RAD54L: variants seen among roughly 807,000 people sequenced by gnomAD.
The protein encoded by RAD54L is RAD54 like.
In RAD54L, 74 loss-of-function variants were observed where a neutral mutation model predicts 91.6. The ratio of observed to expected loss-of-function variants is 0.81; its 90% CI spans 0.67 to 0.98. The LOEUF (loss-of-function observed/expected upper bound fraction) is 0.98. Among genes scored for constraint, RAD54L ranks in the 50% least tolerant of loss-of-function variants. The pLI is 0.00. For synonymous variants in RAD54L, 304 were observed against 349.7 expected (o/e 0.87, Z 1.46); for missense variants, 887 against 945.7 (o/e 0.94, Z 0.81).
Position 46,261,199 on chromosome 1 carries a change from TTTTTG to T in RAD54L, c.767-57_767-53del, listed in dbSNP as rs944848341. The T allele has an allele frequency of 6.3e-6, 10 of 1,596,780 alleles. No individual in the cohort carries two copies. The East Asian group carries it at 1.6e-4, about 25-fold the overall frequency. ...AAATTAAAGAACTGTCTAATTGTTTTTTTTGTTTTTTTTTTTTTCAAAAGATTCTG... is the reference window on the plus strand; with the variant it reads ...AAATTAAAGAACTGTCTAATTGTTTTTTTTTTTTTTTTTCAAAAGATTCTG... On this transcript the variant is annotated intron_variant, in intron 7 of 17. Transcript: ENST00000371975.
intron 12 of RAD54L, 129 bp downstream of exon 12, chr1:46,272,931 A>T (rs757278776): frequency 1.0e-4 from 140 of 1,358,640 alleles, no homozygotes; most frequent in Non-Finnish European, 1.4e-4. Context: ...TGTGATTCCA[A>T]CCCTACCCAA....
intron 9 of RAD54L, among the ~76,000 whole-genome samples, chr1:46,269,220 G>A (rs1193607596): frequency 6.6e-6 from 1 of 151,714 alleles, no homozygotes; most frequent in African/African-American, 2.4e-5. Context: ...CCTCTGGTCC[G>A]TTTGTCTCCT....
At chr1:46,252,285 C>A (rs894964773) in intron 3 of RAD54L, among the ~76,000 whole-genome samples, 2 of 151,950 alleles carry the variant, frequency 1.3e-5, no homozygotes, top group African/African-American at 2.4e-5. Context: ...AGAAGCCATG[C>A]TAGGAGAGTC....
Position 46,248,590 on chromosome 1 carries a change from G to A in RAD54L, c.82G>A (p.Gly28Ser). The A allele has an allele frequency of 1.9e-6, 3 of 1,614,128 alleles. No individual in the cohort carries two copies. Among genetic ancestry groups the A allele is most frequent in the Non-Finnish European group, 2.5e-6 (3 of 1,180,022 alleles). Reference protein sequence around the residue: ...RSCDDEDWQPGLVTPRKRKSS... With the variant: ...RSCDDEDWQPSLVTPRKRKSS... ...CTGTGATGATGAAGACTGGCAACCT[G>A]GCCTAGTGGTGAGCACTCAAGGGGA... Residue 28 changes from glycine to serine, a missense_variant, in exon 2 of 18, where the codon GGC becomes AGC. Physicochemically the swap from Gly to Ser is moderately conservative, Grantham distance 56 (BLOSUM62 0). Transcript: ENST00000371975.
intron 8 of RAD54L, among the ~76,000 whole-genome samples, chr1:46,266,697 G>C (rs771726658): frequency 6.6e-6 from 1 of 152,182 alleles, no homozygotes; most frequent in Non-Finnish European, 1.5e-5. Context: ...TGATGGCCCA[G>C]ACAAGGCCTG....
chr1:46,255,888 C>G (rs181087148), intron 3 of RAD54L, among the ~76,000 whole-genome samples: 1 of 152,232 alleles, frequency 6.6e-6, no homozygotes, highest in East Asian at 1.9e-4. Flanking sequence ...CTGTAGTTCT[C>G]CCTGCAGAAC....
rs1254968642 is a variant in RAD54L at position 46,261,386 on chromosome 1, G to A, written c.891+1G>A. On this transcript the variant is annotated splice_donor_variant, in intron 8 of 17. Transcript: ENST00000371975. LOFTEE classifies it high-confidence loss of function. ...TGTTGGTCTGGTCATATGTGACGAG[G>A]TACTTGACTCTCAGCAGTCTGGGTG... The A allele has an allele frequency of 5.0e-6, 8 of 1,613,920 alleles. No individual in the cohort carries two copies. Among genetic ancestry groups the A allele is most frequent in the Non-Finnish European group, 6.8e-6 (8 of 1,180,004 alleles).
rs1235112078 is a variant in RAD54L at position 46,273,611 on chromosome 1, C to T, written c.1487-13C>T. ...ACAGCCAGTAGGGGACTGCTGGTTG[C>T]TGCTCTTCCCAGGTAAGATGCTGGT... On this transcript the variant is annotated splice_polypyrimidine_tract_variant and intron_variant, in intron 13 of 17. Coordinates refer to ENST00000371975, the MANE Select transcript of RAD54L (RefSeq NM_003579.4). 6.2e-7 allele frequency: 1 copy of T among 1,613,022 alleles called. No homozygotes were observed. The highest frequency in any genetic ancestry group is 8.5e-7 in the Non-Finnish European group (1 of 1,180,018).
Position 46,272,530 on chromosome 1 carries a change from G to A in RAD54L, c.1234G>A (p.Val412Ile), listed in dbSNP as rs528893398. The A allele has an allele frequency of 1.6e-5, 25 of 1,611,884 alleles. No homozygotes were observed. Among genetic ancestry groups the A allele is most frequent in the Middle Eastern group, 1.7e-4 (1 of 6,060 alleles). Reference sequence around the variant, plus strand: ...TCTGCCTGTGAAGATTGAGCAGGTCGTTTGTTGTAGGTACTGAACTCAACT... The same window carrying A: ...TCTGCCTGTGAAGATTGAGCAGGTCATTTGTTGTAGGTACTGAACTCAACT... ...KYLPVKIEQV[V>I]CCRLTPLQTE... Residue 412 changes from valine to isoleucine, a missense_variant, in exon 11 of 18, where the codon GTT (valine) becomes ATT (isoleucine). Physicochemically the swap from Val to Ile is conservative, Grantham distance 29. Coordinates refer to ENST00000371975, the MANE Select transcript of RAD54L (RefSeq NM_003579.4).
intron 3 of RAD54L, among the ~76,000 whole-genome samples, chr1:46,257,450 G>A (rs1187172897): frequency 2.0e-5 from 3 of 152,186 alleles, no homozygotes; most frequent in Admixed American, 2.0e-4. Context: ...GCTCAGGTGT[G>A]TGTGGACCAG....
intron 12 of RAD54L, among the ~76,000 whole-genome samples, chr1:46,273,030 C>T (rs1456994488): frequency 6.6e-6 from 1 of 152,178 alleles, no homozygotes; most frequent in African/African-American, 2.4e-5. Flanking sequence ...TGCTTGATGA[C>T]CTGGGATGTG....
At chr1:46,273,868 C>CT in intron 14 of RAD54L, 121 bp downstream of exon 14, 1 of 1,390,274 alleles carries the variant, frequency 7.2e-7, no homozygotes, top group East Asian at 2.5e-5. Context: ...CTGGAGATAT[C>CT]TTCCCTTATT....
chr1:46,255,952 T>A (rs892712011), intron 3 of RAD54L, among the ~76,000 whole-genome samples: 2 of 152,228 alleles, frequency 1.3e-5, no homozygotes, highest in Non-Finnish European at 2.9e-5. Flanking sequence ...CATAAATTCT[T>A]GGCTACTCAG....
chr1:46,250,179 A>G (rs1659760249), intron 3 of RAD54L, 60 bp downstream of exon 3: 1 of 1,606,314 alleles, frequency 6.2e-7, no homozygotes, highest in East Asian at 2.2e-5. Flanking sequence ...GCCTAGGTAG[A>G]CTCCTGTCCC....
Position 46,273,766 on chromosome 1 carries a change from A to AGGATGCCAAAGG in RAD54L, c.1610+22_1610+33dup. 6.3e-7 allele frequency: 1 copy of AGGATGCCAAAGG among 1,587,308 alleles called. No individual in the cohort carries two copies. The highest frequency in any genetic ancestry group is 2.3e-5 in the East Asian group (1 of 44,174). On this transcript the variant is annotated intron_variant, in intron 14 of 17. Transcript: ENST00000371975. ...CCCGAAGGTAGGGAAGATCCTAACC[A>AGGATGCCAAAGG]GGATGCCAAAGGGGGATATACCCCT...
In RAD54L at chr1:46,270,648, C is replaced by G; in HGVS notation, c.1043-11C>G. The G allele has an allele frequency of 6.2e-7, 1 of 1,612,390 alleles. No individual in the cohort carries two copies. The highest frequency in any genetic ancestry group is 1.1e-5 in the South Asian group (1 of 90,292). Reference sequence around the variant, plus strand: ...CCACATTCTTCTGTTTTCCTTCTCTCCTGTGTTTAGGGACTGCCCATGAAT... The same window carrying G: ...CCACATTCTTCTGTTTTCCTTCTCTGCTGTGTTTAGGGACTGCCCATGAAT... On this transcript the variant is annotated splice_polypyrimidine_tract_variant and intron_variant, in intron 9 of 17. Coordinates refer to ENST00000371975, the MANE Select transcript of RAD54L (RefSeq NM_003579.4).
chr1:46,274,242 C>T lies in RAD54L; in HGVS notation c.1689+26C>T, dbSNP rs1449702499. 2.5e-6 allele frequency: 4 copies of T among 1,575,746 alleles called. No homozygotes were observed. In the African/African-American group the frequency reaches 4.1e-5, roughly 16 times the overall value. On this transcript the variant is annotated intron_variant, in intron 15 of 17. Transcript: ENST00000371975. ...GTAAATGCACATCCCCGTCCCCACACCACCAATGCAGTATCATCAGAATTA... is the reference window on the plus strand; with the variant it reads ...GTAAATGCACATCCCCGTCCCCACATCACCAATGCAGTATCATCAGAATTA...
At chr1:46,248,464 C>T in intron 1 of RAD54L, 48 bp from the exon 2 acceptor site, 2 of 1,613,988 alleles carry the variant, frequency 1.2e-6, no homozygotes, top group Non-Finnish European at 8.5e-7. Flanking sequence ...TCTAGTAGGC[C>T]TAGGCTGCAG....
intron 3 of RAD54L, among the ~76,000 whole-genome samples, chr1:46,254,533 G>C (rs1659888398): frequency 6.6e-6 from 1 of 151,798 alleles, no homozygotes; most frequent in African/African-American, 2.4e-5. Flanking sequence ...ATTGGTGAAT[G>C]GGTAGTCAGA....
Sources: allele counts gnomAD v4.1 joint callset (sites outside exome capture counted in the v4.1 genomes callset), GRCh38; gene constraint gnomAD v4.1.1; transcripts MANE v1.5; gene names NCBI Gene and HGNC (gene_info 2026-07-23, HGNC 2026-07-21).